GRID2: variants seen among roughly 807,000 people sequenced by gnomAD.
GRID2 encodes glutamate receptor ionotropic, delta-2.
A neutral mutation model predicts 114.8 loss-of-function variants in GRID2; 33 were observed. That is an observed-to-expected ratio of 0.29 (90% CI 0.22 to 0.38). The LOEUF (loss-of-function observed/expected upper bound fraction) is 0.38. GRID2 is among the 10% of genes least tolerant of loss of function. GRID2 has a pLI of 1.00. For synonymous variants in GRID2, 505 were observed against 449.9 expected, an observed-to-expected ratio of 1.12 and a Z score of -1.55; for missense variants, 1,184 against 1,257.7, an observed-to-expected ratio of 0.94 and a Z score of 0.89.
At chr4:93,685,478 A>G (rs1321504640) in intron 14 of GRID2, among the ~76,000 whole-genome samples, 1 of 152,080 alleles carries the variant, frequency 6.6e-6, no homozygotes, top group Admixed American at 6.6e-5. Context: ...CGTCACAACT[A>G]AAACAAGTGT....
intron 9 of GRID2, among the ~76,000 whole-genome samples, chr4:93,418,112 G>A (rs1266641567): frequency 1.3e-5 from 2 of 151,570 alleles, no homozygotes; most frequent in African/African-American, 4.8e-5. Flanking sequence ...CAAAATGGTT[G>A]TAAATTTATA....
intron 2 of GRID2, among the ~76,000 whole-genome samples, chr4:93,025,724 T>G (rs1723822609): frequency 1.3e-5 from 2 of 151,798 alleles, no homozygotes; most frequent in Admixed American, 1.3e-4. Context: ...GCTTTAAATA[T>G]AACCATTTTC....
chr4:93,126,628 C>G (rs1171518531), intron 4 of GRID2, among the ~76,000 whole-genome samples: 1 of 103,160 alleles, frequency 9.7e-6, no homozygotes, highest in Non-Finnish European at 1.7e-5. Flanking sequence ...GACGGAGTCT[C>G]GCTCTGTCAC....
At chr4:93,632,720 G>C (rs1560843895) in intron 14 of GRID2, among the ~76,000 whole-genome samples, 1 of 152,046 alleles carries the variant, frequency 6.6e-6, no homozygotes, top group Non-Finnish European at 1.5e-5. Context: ...GGTTCCATAT[G>C]AACTTTCAAG....
chr4:93,528,111 ATATATGTGTGTG>A (rs1731098508), intron 13 of GRID2, among the ~76,000 whole-genome samples: 2 of 151,776 alleles, frequency 1.3e-5, no homozygotes, highest in Admixed American at 1.3e-4. Context: ...ATATATGTGT[ATATATGTGTGTG>A]TATATATATC....
At chr4:93,686,646 T>A (rs995497277) in intron 14 of GRID2, among the ~76,000 whole-genome samples, 1 of 152,110 alleles carries the variant, frequency 6.6e-6, no homozygotes, top group Admixed American at 6.6e-5. Context: ...TTAGGACAGA[T>A]CTTTTTGATA....
At chr4:93,272,558 G>A (rs1175777618) in intron 8 of GRID2, among the ~76,000 whole-genome samples, 1 of 152,180 alleles carries the variant, frequency 6.6e-6, no homozygotes, top group Admixed American at 6.6e-5. Context: ...GGCCTTCTAA[G>A]ATCTTCCAAA....
intron 2 of GRID2, among the ~76,000 whole-genome samples, chr4:92,705,776 A>G (rs1458396431): frequency 6.6e-6 from 1 of 152,178 alleles, no homozygotes; most frequent in Non-Finnish European, 1.5e-5. Context: ...TTTCTATTGT[A>G]TGTATTAGAA....
chr4:93,751,531 G>A (rs1732317565), intron 14 of GRID2, among the ~76,000 whole-genome samples: 1 of 152,106 alleles, frequency 6.6e-6, no homozygotes, highest in Non-Finnish European at 1.5e-5. Context: ...ATTATTGATT[G>A]CAGCCTTCAT....
chr4:92,451,931 A>G (rs1438303675), intron 1 of GRID2, among the ~76,000 whole-genome samples: 1 of 152,174 alleles, frequency 6.6e-6, no homozygotes, highest in East Asian at 1.9e-4. Context: ...CAAATCCAGG[A>G]TTAGGCTGTC....
intron 1 of GRID2, among the ~76,000 whole-genome samples, chr4:92,315,993 C>CAAAAAAAAAAAAAAAAAAAAAAAAAACA (rs778361565): frequency 1.6e-5 from 1 of 61,920 alleles, no homozygotes; most frequent in Non-Finnish European, 3.1e-5. Context: ...AAACAAAAAG[C>CAAAAAAAAAAAAAAAAAAAAAAAAAACA]AAAAAAAAAA....
intron 2 of GRID2, among the ~76,000 whole-genome samples, chr4:92,789,375 TTATC>T (rs1739466462): frequency 6.6e-6 from 1 of 151,860 alleles, no homozygotes; most frequent in South Asian, 2.1e-4. Flanking sequence ...TGCTAAGTGA[TTATC>T]TAGTCAAATA....
chr4:93,339,499 G>T (rs1245848980), intron 8 of GRID2, among the ~76,000 whole-genome samples: 1 of 152,072 alleles, frequency 6.6e-6, no homozygotes. Flanking sequence ...GCAAGAAAGG[G>T]TTCCCCTGCA....
intron 2 of GRID2, among the ~76,000 whole-genome samples, chr4:92,974,303 G>A (rs1340915878): frequency 6.6e-6 from 1 of 152,086 alleles, no homozygotes; most frequent in Non-Finnish European, 1.5e-5. Context: ...TCTAGAACTA[G>A]AAATACCATT....
intron 1 of GRID2, among the ~76,000 whole-genome samples, chr4:92,469,137 C>A (rs1721897978): frequency 1.3e-5 from 2 of 152,126 alleles, no homozygotes; most frequent in African/African-American, 4.8e-5. Context: ...TTCCAAAAAT[C>A]TTTGGCTATT....
chr4:93,479,056 C>T (rs982171686), intron 11 of GRID2, among the ~76,000 whole-genome samples: 3 of 151,964 alleles, frequency 2.0e-5, no homozygotes, highest in Non-Finnish European at 2.9e-5. Context: ...TTTTTGCCAC[C>T]ACAGTAAAGC....
intron 8 of GRID2, among the ~76,000 whole-genome samples, chr4:93,388,723 A>G (rs1764565860): frequency 6.6e-6 from 1 of 152,232 alleles, no homozygotes; most frequent in Admixed American, 6.5e-5. Context: ...GAAAGACTGT[A>G]AAGAGAAGCT....
chr4:92,499,304 C>T (rs192810563), intron 1 of GRID2, among the ~76,000 whole-genome samples: 1 of 152,094 alleles, frequency 6.6e-6, no homozygotes. Flanking sequence ...TTTGATTCTC[C>T]AGCAGTTTAT....
intron 1 of GRID2, among the ~76,000 whole-genome samples, chr4:93,788,975 A>G (rs1319783193): frequency 6.6e-6 from 1 of 152,224 alleles, no homozygotes; most frequent in Non-Finnish European, 1.5e-5. Context: ...CAATGGAACA[A>G]CAAATCATTT....
Sources: allele counts gnomAD v4.1 joint callset (sites outside exome capture counted in the v4.1 genomes callset), GRCh38; gene constraint gnomAD v4.1.1; transcripts MANE v1.5; gene names NCBI Gene and HGNC (gene_info 2026-07-23, HGNC 2026-07-21).